The following ERC2 variants were observed in gnomAD, a reference collection of about 807,000 sequenced individuals.
ERC2 encodes ELKS/RAB6-interacting/CAST family member 2.
Under a neutral mutation model 114.8 loss-of-function variants are expected in ERC2, and 42 were observed. The observed-to-expected ratio is 0.37, with a 90% CI of 0.29 to 0.47. The LOEUF is 0.47. ERC2 is among the 20% of genes least tolerant of loss of function. ERC2 has a pLI of 0.99. For synonymous variants in ERC2, 454 were observed against 425.5 expected (o/e 1.07, Z -0.82); for missense variants, 939 against 1,150.7 (o/e 0.82, Z 2.66).
rs1466528434 is a variant in ERC2 at position 55,873,003 on chromosome 3, T to C, written c.2564+15386A>G. ...GATTGTCACAACTGGGGGAGGGAAATTGACACTGTCATCTAATGAGCAGAG... is the reference window on the plus strand; with the variant it reads ...GATTGTCACAACTGGGGGAGGGAAACTGACACTGTCATCTAATGAGCAGAG... On this transcript the variant is annotated intron_variant, in intron 14 of 17. Transcript: ENST00000288221. Among the ~76,000 whole-genome samples the C allele has an allele frequency of 4.6e-5, 7 of 152,072 alleles. No individual in the cohort carries two copies. The South Asian group carries it at 1.5e-3, about 32-fold the overall frequency.
intron 14 of ERC2, among the ~76,000 whole-genome samples, chr3:55,854,922 AGCT>A (rs1259450327): frequency 6.6e-6 from 1 of 152,166 alleles, no homozygotes; most frequent in Admixed American, 6.5e-5. Context: ...CCGGAAGCTC[AGCT>A]GTAAATAGAG....
chr3:56,100,323 C>T lies in ERC2; in HGVS notation c.1474-19339G>A, dbSNP rs1474209322. Among the ~76,000 whole-genome samples the T allele has an allele frequency of 3.9e-5, 6 of 152,112 alleles. No individual in the cohort carries two copies. In the East Asian group the frequency reaches 1.2e-3, roughly 29 times the overall value. ...TTTCCCTCTCCTGCCAAAAACCCAACACCTTTATCAAAAAGCATATCCCTT... is the reference window on the plus strand; with the variant it reads ...TTTCCCTCTCCTGCCAAAAACCCAATACCTTTATCAAAAAGCATATCCCTT... On this transcript the variant is annotated intron_variant, in intron 6 of 17. Transcript: ENST00000288221.
At chr3:55,894,963 A>T (rs1207649643) in intron 13 of ERC2, among the ~76,000 whole-genome samples, 1 of 152,198 alleles carries the variant, frequency 6.6e-6, no homozygotes, top group East Asian at 1.9e-4. Flanking sequence ...GCTCAACCAC[A>T]CATACACATG....
At chr3:56,053,115 C>T (rs77889625) in intron 7 of ERC2, among the ~76,000 whole-genome samples, 1 of 152,210 alleles carries the variant, frequency 6.6e-6, no homozygotes, top group Non-Finnish European at 1.5e-5. Flanking sequence ...AAGCCTGATG[C>T]TCCACTTTCT....
intron 3 of ERC2, among the ~76,000 whole-genome samples, chr3:56,271,592 T>C (rs1208540203): frequency 6.6e-6 from 1 of 152,146 alleles, no homozygotes; most frequent in Non-Finnish European, 1.5e-5. Context: ...TTAGCTATTA[T>C]CTCCATCATC....
chr3:55,699,535 A>G (rs1220038635), intron 15 of ERC2, 23 bp from the exon 16 acceptor site: 8 of 1,583,076 alleles, frequency 5.1e-6, no homozygotes, highest in Non-Finnish European at 6.9e-6. Context: ...AAAACCAAGG[A>G]AGATTCCATC....
intron 2 of ERC2, among the ~76,000 whole-genome samples, chr3:56,405,887 C>CTT (rs72095902): frequency 0.011 from 947 of 85,108 alleles, 12 homozygotes; most frequent in African/African-American, 0.012. Flanking sequence ...ACTTTTTTTT[C>CTT]TTTTTTTTTT....
At chr3:55,729,178 C>T (rs2148905565) in intron 15 of ERC2, among the ~76,000 whole-genome samples, 1 of 152,344 alleles carries the variant, frequency 6.6e-6, no homozygotes, top group East Asian at 1.9e-4. Context: ...AGGAGTCCTA[C>T]AGTCTATTCC....
chr3:55,908,980 C>T (rs150694433), intron 13 of ERC2, among the ~76,000 whole-genome samples: 267 of 152,278 alleles, frequency 1.8e-3, no homozygotes, highest in African/African-American at 6.4e-3. Context: ...TCATTGAATA[C>T]CCATTTTGAG....
intron 14 of ERC2, among the ~76,000 whole-genome samples, chr3:55,790,005 C>T (rs893572579): frequency 6.6e-6 from 1 of 152,212 alleles, no homozygotes; most frequent in Non-Finnish European, 1.5e-5. Context: ...GGCTTCCTGT[C>T]TCCAACTGTC....
chr3:56,430,462 C>T (rs887008637), intron 2 of ERC2, among the ~76,000 whole-genome samples: 2 of 152,190 alleles, frequency 1.3e-5, no homozygotes, highest in Admixed American at 1.3e-4. Context: ...TGTCCATAAT[C>T]CCTTGCCCCA....
chr3:55,553,773 C>G (rs184141851), intron 17 of ERC2, among the ~76,000 whole-genome samples: 1 of 151,886 alleles, frequency 6.6e-6, no homozygotes, highest in Non-Finnish European at 1.5e-5. Flanking sequence ...GAGTGAGACT[C>G]CGTCTCAAAA....
chr3:55,960,459 G>C (rs1396912908), intron 12 of ERC2, among the ~76,000 whole-genome samples: 2 of 152,144 alleles, frequency 1.3e-5, no homozygotes, highest in Non-Finnish European at 2.9e-5. Context: ...TTGAAGTAAT[G>C]CCTCCTCAGA....
At chr3:55,577,626 A>G (rs1450082887) in intron 17 of ERC2, among the ~76,000 whole-genome samples, 1 of 152,172 alleles carries the variant, frequency 6.6e-6, no homozygotes, top group African/African-American at 2.4e-5. Flanking sequence ...AAGCCTAAAG[A>G]CATCCCCATA....
At chr3:55,561,155 T>TAA (rs34947750) in intron 17 of ERC2, among the ~76,000 whole-genome samples, 3,860 of 145,996 alleles carry the variant, frequency 0.026, 147 homozygotes, top group African/African-American at 0.089. Context: ...TGCTTTTCTT[T>TAA]AAAAAAAAAA....
chr3:56,420,117 A>T (rs2061329204), intron 2 of ERC2, among the ~76,000 whole-genome samples: 2 of 147,320 alleles, frequency 1.4e-5, no homozygotes, highest in Admixed American at 1.4e-4. Context: ...ATTTCTTTCC[A>T]TTCCTTCTCA....
intron 17 of ERC2, among the ~76,000 whole-genome samples, chr3:55,518,361 G>C (rs906231963): frequency 6.6e-6 from 1 of 152,194 alleles, no homozygotes; most frequent in African/African-American, 2.4e-5. Context: ...TTCAGAAACA[G>C]TTGCATAGAT....
rs564655045 is a variant in ERC2 at position 55,536,351 on chromosome 3, G to A, written c.*40-25075C>T. Among the ~76,000 whole-genome samples the A allele has an allele frequency of 5.3e-5, 8 of 152,232 alleles. No individual in the cohort carries two copies. In the East Asian group the frequency reaches 5.8e-4, roughly 11 times the overall value. Reference sequence around the variant, plus strand: ...TTGTTGCCCTTGCTTCCAAGGCCCCGTACCTCCCCAACCCTGAGACTTCCC... The same window carrying A: ...TTGTTGCCCTTGCTTCCAAGGCCCCATACCTCCCCAACCCTGAGACTTCCC... On this transcript the variant is annotated intron_variant, in intron 17 of 17. Transcript: ENST00000288221.
chr3:55,688,902 T>C (rs1485356612), intron 16 of ERC2, among the ~76,000 whole-genome samples: 2 of 152,210 alleles, frequency 1.3e-5, no homozygotes, highest in Non-Finnish European at 2.9e-5. Context: ...ATTGCCAAGA[T>C]TGTGTTGACT....
Sources: allele counts gnomAD v4.1 joint callset (sites outside exome capture counted in the v4.1 genomes callset), GRCh38; gene constraint gnomAD v4.1.1; transcripts MANE v1.5; gene names NCBI Gene and HGNC (gene_info 2026-07-23, HGNC 2026-07-21).